The following PARD6G variants were observed in gnomAD, a reference collection of about 807,000 sequenced individuals.
PARD6G encodes partitioning defective 6 homolog gamma.
A neutral mutation model predicts 10.7 loss-of-function variants in PARD6G; 7 were observed. That is an observed-to-expected ratio of 0.66 (90% confidence interval 0.37 to 1.23). The LOEUF (loss-of-function observed/expected upper bound fraction) is 1.23. Among genes scored for constraint, PARD6G ranks in the 50% most tolerant of loss-of-function variants. PARD6G has a pLI of 0.02. For missense variants in PARD6G, 548 were observed against 571.8 expected (o/e 0.96, Z 0.42); for synonymous variants, 287 against 269.4 (o/e 1.07, Z -0.64).
chr18:80,226,163 T>G (rs959309547), intron 1 of PARD6G, among the ~76,000 whole-genome samples: 8,796 of 119,166 alleles, frequency 0.074, 1,624 homozygotes, highest in African/African-American at 0.12. Context: ...TTTTTTTTTT[T>G]TTTTTTTTTT....
chr18:80,230,063 G>A (rs569282026), intron 1 of PARD6G, among the ~76,000 whole-genome samples: 109 of 152,318 alleles, frequency 7.2e-4, no homozygotes, highest in Non-Finnish European at 1.1e-3. Context: ...TGTCAGGGTG[G>A]GGTCACATGC....
At position 80,183,616 on chromosome 18, in the gene PARD6G, A is replaced by G. The variant is rs1270619399; in HGVS notation, c.295+19094T>C. The G allele has an allele frequency of 6.3e-6, 1 of 159,532 alleles. No homozygotes were observed. Among genetic ancestry groups the G allele is most frequent in the Non-Finnish European group, 1.4e-5 (1 of 72,854 alleles). The allele number at this position is 159,532 out of a possible 1,614,324, so 9.9% of individuals were successfully genotyped here. On this transcript the variant is annotated intron_variant, in intron 2 of 2. Transcript: ENST00000353265. The surrounding 1 kb of genome is among the most constrained non-coding windows in gnomAD (Gnocchi z 4.5). ...CTTCATCAGTCTCTGAAGCTGAGAG[A>G]ACACCCTTGTTTGTTTCTGCAGACA...
At chr18:80,166,263 C>A (rs80172859) in intron 2 of PARD6G, among the ~76,000 whole-genome samples, 1 of 151,264 alleles carries the variant, frequency 6.6e-6, no homozygotes, top group Admixed American at 6.6e-5. Flanking sequence ...ACACAGCACA[C>A]CACCCCAATC....
intron 1 of PARD6G, among the ~76,000 whole-genome samples, chr18:80,236,171 T>C (rs372213222): frequency 3.9e-5 from 6 of 152,320 alleles, no homozygotes; most frequent in African/African-American, 1.4e-4. Flanking sequence ...TTGGGCTTCA[T>C]CCCTGGGATG....
intron 1 of PARD6G, among the ~76,000 whole-genome samples, chr18:80,244,439 G>A (rs1472961016): frequency 6.6e-6 from 1 of 152,102 alleles, no homozygotes; most frequent in Non-Finnish European, 1.5e-5. Context: ...ACACACACCA[G>A]GGTCCTGTCC....
intron 1 of PARD6G, among the ~76,000 whole-genome samples, chr18:80,215,026 TA>T (rs57798275): frequency 0.84 from 125,327 of 148,940 alleles, 52,751 homozygotes; most frequent in Non-Finnish European, 0.87. Context: ...GGCTTCTTGT[TA>T]AAAAAAAAAA....
At chr18:80,221,799 G>A (rs1324195880) in intron 1 of PARD6G, among the ~76,000 whole-genome samples, 2 of 152,064 alleles carry the variant, frequency 1.3e-5, no homozygotes, top group Non-Finnish European at 2.9e-5. Context: ...AAATCCTAAG[G>A]AATCCATAAA....
At chr18:80,232,788 A>T (rs974949442) in intron 1 of PARD6G, among the ~76,000 whole-genome samples, 1 of 152,196 alleles carries the variant, frequency 6.6e-6, no homozygotes, top group Non-Finnish European at 1.5e-5. Context: ...GCAGGATCAG[A>T]GGCTCAGGCA....
At chr18:80,204,209 A>G (rs1423422468) in intron 1 of PARD6G, among the ~76,000 whole-genome samples, 1 of 152,210 alleles carries the variant, frequency 6.6e-6, no homozygotes, top group Non-Finnish European at 1.5e-5. Context: ...GTTCCAAAAT[A>G]TATACAAATA....
At chr18:80,179,428 G>A (rs1366846239) in intron 2 of PARD6G, among the ~76,000 whole-genome samples, 4 of 152,182 alleles carry the variant, frequency 2.6e-5, no homozygotes, top group African/African-American at 9.6e-5. Flanking sequence ...TTGCCAGGGT[G>A]TGTCCTGCCC....
At chr18:80,165,981 C>T (rs1009930711) in intron 2 of PARD6G, among the ~76,000 whole-genome samples, 11 of 152,106 alleles carry the variant, frequency 7.2e-5, no homozygotes, top group African/African-American at 2.7e-4. Flanking sequence ...AGTAGGGAGA[C>T]TGAGGCAGCA....
chr18:80,223,831 A>G (rs1486232579), intron 1 of PARD6G, among the ~76,000 whole-genome samples: 2 of 152,190 alleles, frequency 1.3e-5, no homozygotes, highest in African/African-American at 4.8e-5. Flanking sequence ...CATCTGCTGT[A>G]AGCACACAAC....
intron 1 of PARD6G, among the ~76,000 whole-genome samples, chr18:80,240,932 C>T (rs990342784): frequency 2.6e-5 from 4 of 152,176 alleles, no homozygotes; most frequent in Non-Finnish European, 5.9e-5. Flanking sequence ...CCAGCACATG[C>T]CCTATGCCTG....
rs1450535630 is a variant in PARD6G, at chr18:80,180,664, G to A, written c.296-20058C>T. ...CTGGAGGAAGTGAGCCTGACCCCCAGTTCCTGCCAGTGAGCTTGGCAGAGG... is the reference window on the plus strand; with the variant it reads ...CTGGAGGAAGTGAGCCTGACCCCCAATTCCTGCCAGTGAGCTTGGCAGAGG... On this transcript the variant is annotated intron_variant, in intron 2 of 2. Transcript: ENST00000353265. The surrounding 1 kb of genome is among the most constrained non-coding windows in gnomAD (Gnocchi z 5.6). 6.6e-6 allele frequency among the ~76,000 whole-genome samples: 1 copy of A among 152,152 alleles called. No individual in the cohort carries two copies. Among genetic ancestry groups the A allele is most frequent in the East Asian group, 1.9e-4 (1 of 5,180 alleles).
intron 2 of PARD6G, among the ~76,000 whole-genome samples, chr18:80,199,332 C>G (rs895265019): frequency 5.9e-5 from 9 of 152,242 alleles, no homozygotes; most frequent in African/African-American, 1.4e-4. Flanking sequence ...GTTCATCCAT[C>G]TGTAGCATGT....
intron 2 of PARD6G, among the ~76,000 whole-genome samples, chr18:80,167,649 C>G (rs369714204): frequency 6.6e-6 from 1 of 152,086 alleles, no homozygotes; most frequent in African/African-American, 2.4e-5. Flanking sequence ...CCTCCCCCAG[C>G]GTCTCTGATG....
intron 1 of PARD6G, among the ~76,000 whole-genome samples, chr18:80,203,788 C>G (rs1156824043): frequency 6.6e-6 from 1 of 152,094 alleles, no homozygotes; most frequent in Non-Finnish European, 1.5e-5. Context: ...TAGGAAGTGT[C>G]TTCATTTGAT....
At chr18:80,174,298 G>A (rs1376080388) in intron 2 of PARD6G, among the ~76,000 whole-genome samples, 1 of 152,100 alleles carries the variant, frequency 6.6e-6, no homozygotes, top group Admixed American at 6.6e-5. Context: ...TTCCTCCTTG[G>A]TCTTCCCAGA....
intron 1 of PARD6G, among the ~76,000 whole-genome samples, chr18:80,223,820 G>A (rs1455705717): frequency 6.6e-6 from 1 of 152,210 alleles, no homozygotes; most frequent in Non-Finnish European, 1.5e-5. Context: ...AGGGAGGCCA[G>A]CATCTGCTGT....
Sources: allele counts gnomAD v4.1 joint callset (sites outside exome capture counted in the v4.1 genomes callset), GRCh38; gene constraint gnomAD v4.1.1; non-coding constraint Gnocchi (gnomAD v3.1); transcripts MANE v1.5; gene names NCBI Gene and HGNC (gene_info 2026-07-23, HGNC 2026-07-21).